MYH11: variants seen among roughly 807,000 people sequenced by gnomAD.
MYH11 encodes myosin heavy chain 11.
Under a neutral mutation model 246.6 loss-of-function variants are expected in MYH11, and 80 were observed. That is an observed-to-expected ratio of 0.32 (90% CI 0.27 to 0.39). MYH11 has a LOEUF of 0.39. Ranked by LOEUF, MYH11 falls within the 10% of genes least tolerant of loss-of-function variation. The probability of loss-of-function intolerance (pLI) is 1.00; values close to 1 mark genes in which losing one functional copy is unlikely to be tolerated. For missense variants in MYH11, 2,158 were observed against 2,546.8 expected (o/e 0.85, Z 3.29); for synonymous variants, 1,071 against 1,015.5 (o/e 1.05, Z -1.04).
intron 1 of MYH11, among the ~76,000 whole-genome samples, chr16:15,843,301 G>A (rs933843898): frequency 6.6e-6 from 1 of 151,908 alleles, no homozygotes; most frequent in African/African-American, 2.4e-5. Flanking sequence ...AACTCCAAAG[G>A]TGGAGGTTGC....
intron 3 of MYH11, among the ~76,000 whole-genome samples, chr16:15,815,460 G>C (rs1217855759): frequency 1.3e-5 from 2 of 151,928 alleles, no homozygotes; most frequent in Non-Finnish European, 2.9e-5. Flanking sequence ...AAAAAGTTGA[G>C]GTAAGTGCCC....
chr16:15,732,487 C>T (rs1318158089), intron 27 of MYH11, 77 bp downstream of exon 27: 3 of 1,597,358 alleles, frequency 1.9e-6, no homozygotes, highest in Admixed American at 3.3e-5. Flanking sequence ...TTATGCAGAC[C>T]CTGACCTGTA....
At chr16:15,816,334 C>G (rs928773856) in intron 3 of MYH11, among the ~76,000 whole-genome samples, 8 of 151,616 alleles carry the variant, frequency 5.3e-5, no homozygotes, top group African/African-American at 1.9e-4. Flanking sequence ...CATGTCTGGA[C>G]ATATTAAAAG....
chr16:15,724,146 C>G lies in MYH11; in HGVS notation c.4365+15G>C. Reference sequence around the variant, plus strand: ...GCGTCCATGGCCAGAGTGGGGGACACCCCACGCCCTCTACCTGATCAAATT... The same window carrying G: ...GCGTCCATGGCCAGAGTGGGGGACAGCCCACGCCCTCTACCTGATCAAATT... On this transcript the variant is annotated intron_variant, in intron 31 of 40. Coordinates refer to ENST00000300036, the MANE Select transcript of MYH11 (RefSeq NM_002474.3). The G allele has an allele frequency of 6.2e-7, 1 of 1,612,512 alleles. No homozygotes were observed. The highest frequency in any genetic ancestry group is 8.5e-7 in the Non-Finnish European group (1 of 1,180,028).
chr16:15,767,048 G>A (rs2041999004), intron 9 of MYH11, among the ~76,000 whole-genome samples: 1 of 152,130 alleles, frequency 6.6e-6, no homozygotes. Context: ...ACATGGGGAG[G>A]GAGGGAGATG....
At chr16:15,739,394 C>T (rs1344888664) in intron 23 of MYH11, among the ~76,000 whole-genome samples, 1 of 152,144 alleles carries the variant, frequency 6.6e-6, no homozygotes, top group African/African-American at 2.4e-5. Flanking sequence ...AGCCACCGCA[C>T]CCGGCCTGCC....
intron 1 of MYH11, among the ~76,000 whole-genome samples, chr16:15,843,097 C>T (rs973361327): frequency 7.2e-5 from 11 of 152,096 alleles, no homozygotes; most frequent in Admixed American, 5.2e-4. Flanking sequence ...AAGCTGGGCA[C>T]GGTGGTTCAC....
chr16:15,719,852 T>C, intron 34 of MYH11, 139 bp from the exon 35 acceptor site: 1 of 1,299,236 alleles, frequency 7.7e-7, no homozygotes, highest in African/African-American at 1.5e-5. Flanking sequence ...AGCATGGCTC[T>C]CAGTTCCAGG....
chr16:15,744,648 G>A (rs1437824509), intron 20 of MYH11, among the ~76,000 whole-genome samples: 2 of 152,086 alleles, frequency 1.3e-5, no homozygotes, highest in Non-Finnish European at 2.9e-5. Context: ...GATTACAGGT[G>A]CCTGCCACCA....
At chr16:15,816,262 C>A (rs62030629) in intron 3 of MYH11, among the ~76,000 whole-genome samples, 5,535 of 152,152 alleles carry the variant, frequency 0.036, 151 homozygotes, top group Middle Eastern at 0.078. Context: ...AAAGCCAGGG[C>A]AGATCAGAAG....
Position 15,753,514 on chromosome 16 carries a change from A to C in MYH11, c.1750-6T>G. The C allele has an allele frequency of 6.2e-7, 1 of 1,610,604 alleles. No individual in the cohort carries two copies. Among genetic ancestry groups the C allele is most frequent in the Non-Finnish European group, 8.5e-7 (1 of 1,176,798 alleles). On this transcript the variant is annotated splice_polypyrimidine_tract_variant and splice_region_variant and intron_variant, in intron 14 of 40. Transcript: ENST00000300036. ...GCACTCGCATTATAGTCCACCTGCC[A>C]AGGACACCCTGCTGGTCAGAACCCC...
intron 14 of MYH11, among the ~76,000 whole-genome samples, chr16:15,755,030 G>A (rs2041673807): frequency 6.6e-6 from 1 of 152,110 alleles, no homozygotes; most frequent in Non-Finnish European, 1.5e-5. Flanking sequence ...GTATACAAAA[G>A]CAGCCAGCCA....
chr16:15,751,449 T>C (rs8043836), intron 15 of MYH11, among the ~76,000 whole-genome samples: 8,825 of 151,008 alleles, frequency 0.058, 866 homozygotes, highest in African/African-American at 0.2. Context: ...AGGCGTGAGC[T>C]ACCGCGCCCG....
chr16:15,848,228 CTTTTTTT>C (rs71134473), intron 1 of MYH11, among the ~76,000 whole-genome samples: 6 of 104,368 alleles, frequency 5.7e-5, no homozygotes, highest in Non-Finnish European at 7.9e-5. Context: ...GTTGCTAAGT[CTTTTTTT>C]TTTTTTTTTT....
Position 15,717,327 on chromosome 16 carries a change from G to A in MYH11, c.5317C>T (p.Leu1773=), listed in dbSNP as rs767453646. The A allele has an allele frequency of 1.2e-5, 20 of 1,609,348 alleles. No individual in the cohort carries two copies. Among genetic ancestry groups the A allele is most frequent in the Non-Finnish European group, 1.7e-5 (20 of 1,180,020 alleles). The change falls in exon 38 of 41, where the codon CTG becomes TTG. Residue 1773 remains leucine, a synonymous_variant. Coordinates refer to ENST00000300036, the MANE Select transcript of MYH11 (RefSeq NM_002474.3). ...TQQAEQLSNE[L]ATERSTAQKN... ...TGGGCCGTGCTGCGCTCTGTGGCCA[G>A]CTCGTTGCTGAGCTGCTCGGCCTGG...
At chr16:15,787,797 G>C (rs1447988538) in intron 4 of MYH11, among the ~76,000 whole-genome samples, 1 of 152,092 alleles carries the variant, frequency 6.6e-6, no homozygotes, top group African/African-American at 2.4e-5. Flanking sequence ...AGTGCCTCTG[G>C]AGTACCAGGA....
chr16:15,801,450 G>A (rs542373689), intron 3 of MYH11, among the ~76,000 whole-genome samples: 1 of 152,218 alleles, frequency 6.6e-6, no homozygotes, highest in South Asian at 2.1e-4. Flanking sequence ...GAGGCCAGGA[G>A]TTCCAGACCA....
At position 15,779,800 on chromosome 16, in the gene MYH11, G is replaced by A. The variant is rs140649109; in HGVS notation, c.727-957C>T. Among the ~76,000 whole-genome samples, 413 of 152,300 alleles carry A rather than the reference G, an allele frequency of 2.7e-3. 5 individuals are homozygous for A. Among genetic ancestry groups the A allele is most frequent in the African/African-American group, 9.5e-3 (393 of 41,558 alleles). ...TCAGCTAAGCCATGAAACCAAGGAT[G>A]GAACCCAATCCTCCATCTGTTGGCA... is the stretch of plus-strand genomic sequence containing the variant. On this transcript the variant is annotated intron_variant, in intron 6 of 40. Coordinates refer to ENST00000300036, the MANE Select transcript of MYH11 (RefSeq NM_002474.3).
Position 15,735,350 on chromosome 16 carries a change from T to G in MYH11, c.3506+16A>C. Reference sequence around the variant, plus strand: ...GCAGTGGGATAGCAGGATGGTGGGATTGATGGGCCCCTCACCTGAGCTCCT... The same window carrying G: ...GCAGTGGGATAGCAGGATGGTGGGAGTGATGGGCCCCTCACCTGAGCTCCT... On this transcript the variant is annotated intron_variant, in intron 26 of 40. Coordinates refer to ENST00000300036, the MANE Select transcript of MYH11 (RefSeq NM_002474.3). 1 of 1,613,010 alleles carries G rather than the reference T, an allele frequency of 6.2e-7. No homozygotes were observed. Among genetic ancestry groups the G allele is most frequent in the Non-Finnish European group, 8.5e-7 (1 of 1,179,800 alleles).
Sources: allele counts gnomAD v4.1 joint callset (sites outside exome capture counted in the v4.1 genomes callset), GRCh38; gene constraint gnomAD v4.1.1; transcripts MANE v1.5; gene names NCBI Gene and HGNC (gene_info 2026-07-23, HGNC 2026-07-21).